The following PLCXD3 variants were observed in gnomAD, a reference collection of about 807,000 sequenced individuals.
PLCXD3 encodes PI-PLC X domain-containing protein 3.
PLCXD3 carries 19 observed loss-of-function variants against 25.5 expected under a neutral mutation model. That is an observed-to-expected ratio of 0.75 (90% CI 0.52 to 1.09). The LOEUF is 1.09. Among genes scored for constraint, PLCXD3 ranks in the 50% least tolerant of loss-of-function variants. The pLI, the probability that PLCXD3 is intolerant of heterozygous loss-of-function variation, is 0.00. For synonymous variants in PLCXD3, 174 were observed against 137.6 expected (o/e 1.26, Z -1.85); for missense variants, 411 against 388.1 (o/e 1.06, Z -0.50).
rs1746683260 is a variant in PLCXD3, at chr5:41,415,989, AG to A, written c.104-33456del. Among the ~76,000 whole-genome samples, 8 of 152,338 alleles carry A rather than the reference AG, an allele frequency of 5.3e-5. No individual in the cohort carries two copies. The South Asian group carries it at 1.7e-3, about 32-fold the overall frequency. On this transcript the variant is annotated intron_variant, in intron 1 of 2. Coordinates refer to ENST00000377801, the MANE Select transcript of PLCXD3 (RefSeq NM_001005473.3). The stretch of plus-strand genomic sequence containing the variant: ...ACTGATAAGAATCAGGAGTGTTACC[AG>A]AAACTGGAAGGAGAGGGCTATAATG...
intron 2 of PLCXD3, among the ~76,000 whole-genome samples, chr5:41,367,252 AC>A (rs148183458): frequency 0.11 from 16,654 of 152,216 alleles, 1,146 homozygotes; most frequent in Admixed American, 0.17. Flanking sequence ...TTACATTCCC[AC>A]CAACAGTGTA....
rs201779637 is a variant in PLCXD3 at position 41,348,639 on chromosome 5, TTTTG to T, written c.812+33183_812+33186del. Among the ~76,000 whole-genome samples the T allele has an allele frequency of 6.7e-3, 1,022 of 152,100 alleles. 6 individuals carry two copies. The highest frequency in any genetic ancestry group is 0.011 in the African/African-American group (449 of 41,468). ...ACAAATACAGAAAATTACTGAGTTT[TTTTG>T]TTTGTTTGTTTGTTTGTTTGTTTGT... On this transcript the variant is annotated intron_variant, in intron 2 of 2. Transcript: ENST00000377801.
At chr5:41,492,283 A>G (rs1345686368) in intron 1 of PLCXD3, among the ~76,000 whole-genome samples, 1 of 152,220 alleles carries the variant, frequency 6.6e-6, no homozygotes, top group Non-Finnish European at 1.5e-5. Context: ...TCTGGCTTGT[A>G]GAGTTTCTGC....
intron 2 of PLCXD3, among the ~76,000 whole-genome samples, chr5:41,370,251 C>T (rs1173880911): frequency 1.3e-5 from 2 of 152,202 alleles, no homozygotes; most frequent in East Asian, 3.9e-4. Flanking sequence ...CAATAGGCTA[C>T]AATCCCAGAC....
intron 1 of PLCXD3, among the ~76,000 whole-genome samples, chr5:41,431,981 C>T (rs1168735168): frequency 1.3e-5 from 2 of 152,082 alleles, no homozygotes; most frequent in African/African-American, 4.8e-5. Flanking sequence ...AGCAAGAGGA[C>T]CACGCAGGAG....
chr5:41,449,951 A>G (rs1747589951), intron 1 of PLCXD3, among the ~76,000 whole-genome samples: 1 of 152,128 alleles, frequency 6.6e-6, no homozygotes, highest in Non-Finnish European at 1.5e-5. Context: ...GGGGAGGTAT[A>G]CTGAATACCA....
At chr5:41,506,970 T>TATC (rs3992936) in intron 1 of PLCXD3, among the ~76,000 whole-genome samples, 18,621 of 152,174 alleles carry the variant, frequency 0.12, 1,760 homozygotes, top group African/African-American at 0.26. Flanking sequence ...AAAAGATTTT[T>TATC]ACATATTAGA....
rs868463855 is a variant in PLCXD3 at position 41,489,388 on chromosome 5, G to A, written c.103+21036C>T. Among the ~76,000 whole-genome samples the A allele has an allele frequency of 4.8e-4, 73 of 151,990 alleles. 1 individual carries two copies. The highest frequency in any genetic ancestry group is 4.6e-4 in the Non-Finnish European group (31 of 67,906). On this transcript the variant is annotated intron_variant, in intron 1 of 2. Transcript: ENST00000377801. ...TGATGCCTCCAGCTTTGTTCTTTTG[G>A]CTTAGGATTGACTTGGCGATGCGGG...
intron 1 of PLCXD3, among the ~76,000 whole-genome samples, chr5:41,410,685 G>A (rs1158692227): frequency 1.3e-5 from 2 of 152,086 alleles, no homozygotes; most frequent in African/African-American, 2.4e-5. Context: ...TTTCCCAGCA[G>A]TTTTATCCTT....
At position 41,313,467 on chromosome 5, in the gene PLCXD3, A is replaced by C. The variant is rs1446154334; in HGVS notation, c.*150T>G. The C allele has an allele frequency of 6.4e-6, 5 of 779,986 alleles. No individual in the cohort carries two copies. The East Asian group carries it at 1.4e-4, about 22-fold the overall frequency. 48.3% of individuals were successfully genotyped at this position (779,986 alleles called of 1,614,324 possible). ...ATGAAGAGTATGATTGTAATCACTGAAGAAACAGTTTTTCCCCTTTTCCCA... is the reference window on the plus strand; with the variant it reads ...ATGAAGAGTATGATTGTAATCACTGCAGAAACAGTTTTTCCCCTTTTCCCA... On this transcript the variant is annotated 3_prime_UTR_variant, in exon 3 of 3. Coordinates refer to ENST00000377801, the MANE Select transcript of PLCXD3 (RefSeq NM_001005473.3).
At chr5:41,398,981 C>G (rs775515772) in intron 1 of PLCXD3, among the ~76,000 whole-genome samples, 1 of 152,044 alleles carries the variant, frequency 6.6e-6, no homozygotes, top group Non-Finnish European at 1.5e-5. Flanking sequence ...ACTATTAGAA[C>G]TTATAAACAA....
rs548144540 is a variant in PLCXD3, at chr5:41,488,170, C to T, written c.103+22254G>A. Among the ~76,000 whole-genome samples the T allele has an allele frequency of 4.1e-3, 621 of 149,746 alleles. 4 individuals carry two copies. The highest frequency in any genetic ancestry group is 0.012 in the African/African-American group (468 of 40,622). On this transcript the variant is annotated intron_variant, in intron 1 of 2. Coordinates refer to ENST00000377801, the MANE Select transcript of PLCXD3 (RefSeq NM_001005473.3). The stretch of plus-strand genomic sequence containing the variant: ...ATTCCCACCTATGAGTGAGAATATG[C>T]GGTGTTTGTTTGGTTTTTTGTTCTT...
chr5:41,396,807 G>T (rs1746021307), intron 1 of PLCXD3, among the ~76,000 whole-genome samples: 2 of 152,210 alleles, frequency 1.3e-5, no homozygotes, highest in African/African-American at 4.8e-5. Context: ...CTATGCTTCA[G>T]CAAAGAGACG....
rs1743029922 is a variant in PLCXD3, at chr5:41,307,452, C to G, written c.*6165G>C. On this transcript the variant is annotated 3_prime_UTR_variant, in exon 3 of 3. Transcript: ENST00000377801. ...TCTATTTTCTGCATTGTTTTAGAAA[C>G]CAGCCTTTGATCTCACTGTTCTTAT... is the stretch of plus-strand genomic sequence containing the variant. The G allele has an allele frequency of 6.6e-6, 1 of 152,474 alleles. No individual in the cohort carries two copies. Among genetic ancestry groups the G allele is most frequent in the Admixed American group, 6.6e-5 (1 of 15,246 alleles). 9.4% of individuals were successfully genotyped at this position (152,474 alleles called of 1,614,324 possible). A position where few individuals can be genotyped will look rare whatever the true frequency, so the allele number is the denominator to read the frequency against.
chr5:41,325,010 C>A (rs1254587832), intron 2 of PLCXD3, among the ~76,000 whole-genome samples: 1 of 152,122 alleles, frequency 6.6e-6, no homozygotes, highest in African/African-American at 2.4e-5. Context: ...AGAAACAGCT[C>A]CTTAGATGCC....
rs371767795 is a variant in PLCXD3, at chr5:41,494,755, G to A, written c.103+15669C>T. Among the ~76,000 whole-genome samples the A allele has an allele frequency of 3.2e-4, 48 of 152,264 alleles. 1 individual carries two copies. Among genetic ancestry groups the A allele is most frequent in the African/African-American group, 1.1e-3 (47 of 41,546 alleles). ...ACTTGGCAGTCATTAGCATACTGAT[G>A]TTATTTCAAGTGATTGGATTACATA... On this transcript the variant is annotated intron_variant, in intron 1 of 2. Transcript: ENST00000377801.
At chr5:41,396,373 C>T (rs1746008383) in intron 1 of PLCXD3, among the ~76,000 whole-genome samples, 1 of 152,140 alleles carries the variant, frequency 6.6e-6, no homozygotes, top group Non-Finnish European at 1.5e-5. Flanking sequence ...TGCTTGATTC[C>T]CCTTCACCCT....
chr5:41,337,335 C>T (rs1334287859), intron 2 of PLCXD3, among the ~76,000 whole-genome samples: 3 of 152,092 alleles, frequency 2.0e-5, no homozygotes, highest in East Asian at 3.9e-4. Context: ...TCTAAAGCTA[C>T]CTCTCAGAAA....
intron 1 of PLCXD3, among the ~76,000 whole-genome samples, chr5:41,491,912 T>C (rs1448275552): frequency 6.6e-6 from 1 of 152,244 alleles, no homozygotes; most frequent in Non-Finnish European, 1.5e-5. Flanking sequence ...TGTCTTTTAA[T>C]TGGAGTATTT....
Sources: allele counts gnomAD v4.1 joint callset (sites outside exome capture counted in the v4.1 genomes callset), GRCh38; gene constraint gnomAD v4.1.1; transcripts MANE v1.5; gene names NCBI Gene and HGNC (gene_info 2026-07-23, HGNC 2026-07-21).